CD58: variants seen among roughly 807,000 people sequenced by gnomAD.
The protein encoded by CD58 is lymphocyte function-associated antigen 3.
CD58 carries 14 observed loss-of-function variants against 27.6 expected under a neutral mutation model. The observed-to-expected ratio is 0.51, with a 90% CI of 0.34 to 0.79. CD58 has a LOEUF of 0.79. CD58 is among the 30% of genes least tolerant of loss of function. The pLI is 0.02. For missense variants in CD58, 268 were observed against 301.7 expected (o/e 0.89, Z 0.83); for synonymous variants, 117 against 103.8 (o/e 1.13, Z -0.77).
chr1:116,547,918 A>G lies in CD58; in HGVS notation c.71-3314T>C, dbSNP rs563091481. 6.6e-5 allele frequency among the ~76,000 whole-genome samples: 10 copies of G among 152,348 alleles called. No individual in the cohort carries two copies. In the East Asian group the frequency reaches 1.7e-3, roughly 26 times the overall value. ...TGTACTAGTTTACATTCCCACCAGC[A>G]GTGTACAGGTGTTCCCTTTTCCCAC... On this transcript the variant is annotated intron_variant, in intron 1 of 5. Coordinates refer to ENST00000369489, the MANE Select transcript of CD58 (RefSeq NM_001779.3).
chr1:116,543,524 C>T (rs1658060584), intron 2 of CD58, among the ~76,000 whole-genome samples: 1 of 151,490 alleles, frequency 6.6e-6, no homozygotes, highest in South Asian at 2.1e-4. Flanking sequence ...GCATGTGAGG[C>T]AGGGGCCTAT....
intron 1 of CD58, among the ~76,000 whole-genome samples, chr1:116,547,530 C>A (rs1383594534): frequency 6.6e-6 from 1 of 151,922 alleles, no homozygotes; most frequent in South Asian, 2.1e-4. Flanking sequence ...GGGGTTTCAC[C>A]ATGTTAGCCA....
intron 1 of CD58, among the ~76,000 whole-genome samples, chr1:116,549,415 C>G (rs1658310982): frequency 6.6e-6 from 1 of 152,090 alleles, no homozygotes; most frequent in South Asian, 2.1e-4. Flanking sequence ...TTATGCAGAC[C>G]TTGAAGCAGG....
intron 5 of CD58, chr1:116,518,637 G>C (rs1657160959): frequency 1.0e-6 from 1 of 984,640 alleles, no homozygotes; most frequent in East Asian, 1.1e-4. Context: ...TCAACACCCA[G>C]CTCATGCCTC....
chr1:116,539,507 A>AG (rs1657923222), intron 2 of CD58, among the ~76,000 whole-genome samples: 1 of 152,154 alleles, frequency 6.6e-6, no homozygotes, highest in African/African-American at 2.4e-5. Context: ...CAGGGTTTGT[A>AG]AAAAAGAAAA....
intron 4 of CD58, among the ~76,000 whole-genome samples, chr1:116,520,639 A>T (rs1325090526): frequency 1.3e-5 from 2 of 152,040 alleles, no homozygotes; most frequent in African/African-American, 2.4e-5. Flanking sequence ...TGAGTGGAAA[A>T]TGATTTTGGT....
intron 1 of CD58, among the ~76,000 whole-genome samples, chr1:116,567,603 AC>A (rs1199872482): frequency 6.6e-6 from 1 of 152,108 alleles, no homozygotes; most frequent in Non-Finnish European, 1.5e-5. Flanking sequence ...GCACCCCTGT[AC>A]TCCAGCCTGG....
intron 1 of CD58, among the ~76,000 whole-genome samples, chr1:116,545,439 G>A (rs1439008443): frequency 1.3e-5 from 2 of 152,218 alleles, no homozygotes; most frequent in Non-Finnish European, 2.9e-5. Flanking sequence ...GGACAGACCA[G>A]AGCAGGGTGT....
rs1010752873 is a variant in CD58, at chr1:116,524,067, G to T, written c.629-2084C>A. Among the ~76,000 whole-genome samples the T allele has an allele frequency of 6.6e-6, 1 of 152,108 alleles. No individual in the cohort carries two copies. Among genetic ancestry groups the T allele is most frequent in the African/African-American group, 2.4e-5 (1 of 41,414 alleles). On this transcript the variant is annotated intron_variant, in intron 3 of 5. Coordinates refer to ENST00000369489, the MANE Select transcript of CD58 (RefSeq NM_001779.3). This position sits in a 1 kb window ranked among gnomAD's most constrained non-coding sequence, Gnocchi z 4.6. ...TCAGAGTGGCTCCTGAGTCCTGTTC[G>T]TACCATCATGTTAAGTCTTTTTGAT...
chr1:116,563,066 G>C lies in CD58; in HGVS notation c.70+7837C>G, dbSNP rs1351717756. ...AGTTAGTTACTTCCTAGATACAATG[G>C]GGGTACAGGTGCTGAGTAAATATAT... On this transcript the variant is annotated intron_variant, in intron 1 of 5. Transcript: ENST00000369489. This position sits in a 1 kb window ranked among gnomAD's most constrained non-coding sequence, Gnocchi z 4.1. Among the ~76,000 whole-genome samples, 1 of 152,198 alleles carries C rather than the reference G, an allele frequency of 6.6e-6. No individual in the cohort carries two copies. The highest frequency in any genetic ancestry group is 2.4e-5 in the African/African-American group (1 of 41,448).
At chr1:116,568,644 A>G (rs995781637) in intron 1 of CD58, among the ~76,000 whole-genome samples, 1 of 152,252 alleles carries the variant, frequency 6.6e-6, no homozygotes, top group Admixed American at 6.5e-5. Flanking sequence ...TCCATTGTGC[A>G]GTGCTTAACA....
Position 116,521,989 on chromosome 1 carries a change from A to G in CD58, c.629-6T>C. ...ATATCTGTGTCTTGAATGACCTATA[A>G]AAAAGAAAAGAAAAGAAATTCAACT... On this transcript the variant is annotated splice_polypyrimidine_tract_variant and splice_region_variant and intron_variant, in intron 3 of 5. Coordinates refer to ENST00000369489, the MANE Select transcript of CD58 (RefSeq NM_001779.3). This position sits in a 1 kb window ranked among gnomAD's most constrained non-coding sequence, Gnocchi z 5.6. 1 of 1,505,280 alleles carries G rather than the reference A, an allele frequency of 6.6e-7. No individual in the cohort carries two copies. Among genetic ancestry groups the G allele is most frequent in the Non-Finnish European group, 9.1e-7 (1 of 1,094,124 alleles). 93.2% of individuals were successfully genotyped at this position (1,505,280 alleles called of 1,614,324 possible).
intron 1 of CD58, among the ~76,000 whole-genome samples, chr1:116,556,301 T>C (rs1658559470): frequency 6.7e-6 from 1 of 149,170 alleles, no homozygotes; most frequent in Non-Finnish European, 1.5e-5. Flanking sequence ...TAAAAACATA[T>C]TAAGAAGGTT....
At position 116,523,050 on chromosome 1, in the gene CD58, G is replaced by C. The variant is rs1358937236; in HGVS notation, c.629-1067C>G. 3.3e-5 allele frequency among the ~76,000 whole-genome samples: 5 copies of C among 152,098 alleles called. No individual in the cohort carries two copies. Among genetic ancestry groups the C allele is most frequent in the African/African-American group, 1.2e-4 (5 of 41,402 alleles). ...TATACTGTCATTAACCTATTGAGTAGATGTTATTGGTATCTCTATTAATAT... is the reference window on the plus strand; with the variant it reads ...TATACTGTCATTAACCTATTGAGTACATGTTATTGGTATCTCTATTAATAT... On this transcript the variant is annotated intron_variant, in intron 3 of 5. Transcript: ENST00000369489. This position sits in a 1 kb window ranked among gnomAD's most constrained non-coding sequence, Gnocchi z 4.4.
At chr1:116,526,343 C>G (rs185889343) in intron 3 of CD58, among the ~76,000 whole-genome samples, 5 of 152,256 alleles carry the variant, frequency 3.3e-5, no homozygotes, top group Admixed American at 3.3e-4. Context: ...GATCTATGGT[C>G]CATTTTGAGT....
intron 3 of CD58, among the ~76,000 whole-genome samples, chr1:116,529,357 T>C (rs1657525087): frequency 6.6e-6 from 1 of 152,226 alleles, no homozygotes; most frequent in South Asian, 2.1e-4. Flanking sequence ...TGTAGGAGCA[T>C]GACACAAAGG....
At position 116,546,721 on chromosome 1, in the gene CD58, G is replaced by GTTCT. The variant is rs1343472832; in HGVS notation, c.71-2118_71-2117insAGAA. Among the ~76,000 whole-genome samples the GTTCT allele has an allele frequency of 1.6e-3, 239 of 152,322 alleles. 4 individuals are homozygous for GTTCT. Among genetic ancestry groups the GTTCT allele is most frequent in the Middle Eastern group, 6.8e-3 (2 of 294 alleles). ...GAGAACAGTAGAAGAAAGTAGTCAG[G>GTTCT]AATGGAGCTAGTGGTGGAGGGAAGT... On this transcript the variant is annotated intron_variant, in intron 1 of 5. Coordinates refer to ENST00000369489, the MANE Select transcript of CD58 (RefSeq NM_001779.3). The surrounding 1 kb of genome is among the most constrained non-coding windows in gnomAD (Gnocchi z 4.1).
intron 3 of CD58, among the ~76,000 whole-genome samples, chr1:116,529,258 C>A (rs1449563536): frequency 6.6e-6 from 1 of 152,186 alleles, no homozygotes; most frequent in Non-Finnish European, 1.5e-5. Context: ...AGCTTTCTGA[C>A]CTTGAGATCT....
Position 116,531,877 on chromosome 1 carries a change from G to A in CD58, c.628+4088C>T, listed in dbSNP as rs909441183. Among the ~76,000 whole-genome samples the A allele has an allele frequency of 9.8e-5, 15 of 152,306 alleles. No homozygotes were observed. The South Asian group carries it at 2.1e-3, about 21-fold the overall frequency. On this transcript the variant is annotated intron_variant, in intron 3 of 5. Transcript: ENST00000369489. The surrounding 1 kb of genome is among the most constrained non-coding windows in gnomAD (Gnocchi z 4.5). ...CACTCTCTACAGGCCTGGTCAGCGC[G>A]GACAAGGCCATCCCCGGCTGCCACA...
Sources: allele counts gnomAD v4.1 joint callset (sites outside exome capture counted in the v4.1 genomes callset), GRCh38; gene constraint gnomAD v4.1.1; non-coding constraint Gnocchi (gnomAD v3.1); transcripts MANE v1.5; gene names NCBI Gene and HGNC (gene_info 2026-07-23, HGNC 2026-07-21).